The following GRB10 variants were observed in gnomAD, a reference collection of about 807,000 sequenced individuals.
GRB10 encodes the protein growth factor receptor-bound protein 10.
GRB10 carries 20 observed loss-of-function variants against 80.9 expected under a neutral mutation model. That is an observed-to-expected ratio of 0.25 (90% confidence interval 0.17 to 0.36). The LOEUF is 0.36. Ranked by LOEUF, GRB10 falls within the 10% of genes least tolerant of loss-of-function variation. The pLI is 1.00. For missense variants in GRB10, 548 were observed against 747.7 expected (o/e 0.73, Z 3.12); for synonymous variants, 291 against 291.5 (o/e 1.00, Z 0.02).
In GRB10 at chr7:50,676,794, G is replaced by A. The variant is rs561717301; in HGVS notation, c.140-2136C>T. ...GGAGTGGGCAGGGTCACCCCCGGGGGTAGTGCTTGGGCTTCTGGAGTGGGT... is the reference window on the plus strand; with the variant it reads ...GGAGTGGGCAGGGTCACCCCCGGGGATAGTGCTTGGGCTTCTGGAGTGGGT... On this transcript the variant is annotated intron_variant, in intron 5 of 18. Transcript: ENST00000401949. 9.2e-5 allele frequency among the ~76,000 whole-genome samples: 14 copies of A among 152,094 alleles called. No individual in the cohort carries two copies. In the East Asian group the frequency reaches 9.7e-4, roughly 11 times the overall value.
chr7:50,792,047 A>T (rs2078939802), intron 1 of GRB10, among the ~76,000 whole-genome samples: 1 of 152,158 alleles, frequency 6.6e-6, no homozygotes, highest in African/African-American at 2.4e-5. Context: ...TGCGCTAACA[A>T]CATGTGTTCT....
At chr7:50,758,593 C>G (rs191355775) in intron 2 of GRB10, among the ~76,000 whole-genome samples, 66 of 152,278 alleles carry the variant, frequency 4.3e-4, no homozygotes, top group African/African-American at 1.5e-3. Flanking sequence ...TCAACAAATC[C>G]TAACTTTCAT....
intron 2 of GRB10, chr7:50,779,260 G>C (rs189942721): frequency 1.4e-3 from 220 of 152,190 alleles, no homozygotes; most frequent in African/African-American, 5.2e-3. Flanking sequence ...ATAACACCTG[G>C]GAGCTGGTCA....
rs564808946 is a variant in GRB10 at position 50,666,996 on chromosome 7, C to T, written c.504+2726G>A. ...CAGAGCTTGCAGTGAGCCGAGATTG[C>T]GCCACTGCACTCCAGCAGCCTGGGC... On this transcript the variant is annotated intron_variant, in intron 7 of 18. Transcript: ENST00000401949. Among the ~76,000 whole-genome samples the T allele has an allele frequency of 7.8e-4, 114 of 145,972 alleles. 2 individuals are homozygous for T. Among genetic ancestry groups the T allele is most frequent in the African/African-American group, 2.6e-3 (105 of 39,700 alleles).
chr7:50,763,251 G>C (rs1049552550), intron 2 of GRB10, among the ~76,000 whole-genome samples: 11 of 152,128 alleles, frequency 7.2e-5, no homozygotes, highest in Admixed American at 2.6e-4. Context: ...GAGGATAGAA[G>C]CAAACAATTT....
chr7:50,746,508 C>T (rs1587794092), intron 3 of GRB10, among the ~76,000 whole-genome samples: 1 of 152,290 alleles, frequency 6.6e-6, no homozygotes, highest in African/African-American at 2.4e-5. Flanking sequence ...CGGGCACCCT[C>T]TGGTGACACT....
At chr7:50,662,761 T>TA (rs1365780682) in intron 7 of GRB10, among the ~76,000 whole-genome samples, 2 of 152,214 alleles carry the variant, frequency 1.3e-5, no homozygotes, top group South Asian at 2.1e-4. Context: ...CAACGGATGC[T>TA]AAAAAACAGG....
At chr7:50,595,406 C>T (rs1334127088) in intron 18 of GRB10, 31 bp downstream of exon 18, 1 of 1,166,038 alleles carries the variant, frequency 8.6e-7, no homozygotes, top group East Asian at 2.3e-5. Flanking sequence ...AAACAAACCA[C>T]AAGGACTGGT....
intron 5 of GRB10, 151 bp downstream of exon 5, chr7:50,703,670 A>T (rs1023032967): frequency 3.1e-6 from 2 of 635,096 alleles, no homozygotes; most frequent in African/African-American, 3.6e-5. Context: ...ATCTTTCTCT[A>T]TTTGGGAATT....
chr7:50,773,525 GAGGAC>G, intron 2 of GRB10, among the ~76,000 whole-genome samples: 1 of 148,690 alleles, frequency 6.7e-6, no homozygotes, highest in African/African-American at 2.5e-5. Context: ...GAGGAGAGGA[GAGGAC>G]AGGAAACGAA....
At chr7:50,780,522 T>G (rs997163922) in intron 2 of GRB10, 105 bp downstream of exon 2, 1 of 152,228 alleles carries the variant, frequency 6.6e-6, no homozygotes, top group African/African-American at 2.4e-5. Flanking sequence ...TCAGACTTTA[T>G]ACTTGTAAGA....
At chr7:50,673,575 C>G (rs994554800) in intron 6 of GRB10, among the ~76,000 whole-genome samples, 2 of 151,980 alleles carry the variant, frequency 1.3e-5, no homozygotes, top group African/African-American at 4.8e-5. Flanking sequence ...GCTCAAATCC[C>G]CCCTCCTTCT....
chr7:50,636,408 C>A (rs1268384535), intron 7 of GRB10, among the ~76,000 whole-genome samples: 1 of 152,166 alleles, frequency 6.6e-6, no homozygotes, highest in Non-Finnish European at 1.5e-5. Flanking sequence ...ATACCGAAAT[C>A]AGGCAAGGAC....
chr7:50,608,240 AT>A (rs1289523184), intron 13 of GRB10, among the ~76,000 whole-genome samples: 1 of 152,220 alleles, frequency 6.6e-6, no homozygotes, highest in Non-Finnish European at 1.5e-5. Context: ...AACGTGCATT[AT>A]TTTCACAGAA....
intron 3 of GRB10, among the ~76,000 whole-genome samples, chr7:50,752,767 C>T (rs1165229641): frequency 6.6e-6 from 1 of 152,166 alleles, no homozygotes; most frequent in African/African-American, 2.4e-5. Flanking sequence ...CCCCGCAAGG[C>T]AGAAGCTGCT....
chr7:50,729,249 G>C (rs761992339), intron 4 of GRB10: 1 of 152,196 alleles, frequency 6.6e-6, no homozygotes, highest in South Asian at 2.1e-4. Context: ...AGAAAACTAT[G>C]AAAATAAAAA....
intron 7 of GRB10, among the ~76,000 whole-genome samples, chr7:50,637,224 T>A (rs2055220808): frequency 6.6e-6 from 1 of 152,180 alleles, no homozygotes; most frequent in South Asian, 2.1e-4. Flanking sequence ...CACCTCAGCC[T>A]CCCAAAGGGC....
chr7:50,631,433 G>A (rs1056442591), intron 7 of GRB10, among the ~76,000 whole-genome samples: 22 of 152,252 alleles, frequency 1.4e-4, no homozygotes, highest in Admixed American at 1.2e-3. Flanking sequence ...ACATCTGAGG[G>A]CTTCTGGGCC....
At chr7:50,663,798 G>A (rs1283657979) in intron 7 of GRB10, among the ~76,000 whole-genome samples, 1 of 152,226 alleles carries the variant, frequency 6.6e-6, no homozygotes, top group East Asian at 1.9e-4. Flanking sequence ...GCCAGATCCA[G>A]TGCCCATCAG....
Sources: gnomAD v4.1 joint callset for allele counts (sites outside exome capture counted in the v4.1 genomes callset) on GRCh38, gnomAD v4.1.1 for gene constraint, MANE v1.5 for transcripts, NCBI Gene and HGNC (gene_info 2026-07-23, HGNC 2026-07-21) for gene names.